NUMB: variants seen among roughly 807,000 people sequenced by gnomAD.
NUMB encodes NUMB endocytic adaptor protein, also known as protein numb homolog.
Under a neutral mutation model 59.7 loss-of-function variants are expected in NUMB, and 29 were observed. That is an observed-to-expected ratio of 0.49 (90% CI 0.36 to 0.66). The LOEUF (loss-of-function observed/expected upper bound fraction) is 0.66. Among genes scored for constraint, NUMB ranks in the 30% least tolerant of loss-of-function variants. NUMB has a pLI of 0.00. For missense variants in NUMB, 723 were observed against 822.0 expected (o/e 0.88, Z 1.47); for synonymous variants, 288 against 288.2 (o/e 1.00, Z 0.01).
intron 1 of NUMB, among the ~76,000 whole-genome samples, chr14:73,422,526 T>G (rs554300661): frequency 6.6e-6 from 1 of 152,192 alleles, no homozygotes; most frequent in South Asian, 2.1e-4. Context: ...ACTAGGAAAT[T>G]TATAAAGAAA....
Position 73,276,399 on chromosome 14 carries a change from C to CT in NUMB, c.*178dup, listed in dbSNP as rs1348589682. 1.8e-6 allele frequency: 1 copy of CT among 566,928 alleles called. No homozygotes were observed. The highest frequency in any genetic ancestry group is 3.1e-6 in the Non-Finnish European group (1 of 324,206). The allele number at this position is 566,928 out of a possible 1,614,324, so 35.1% of individuals were successfully genotyped here. On this transcript the variant is annotated 3_prime_UTR_variant, in exon 13 of 13. Transcript: ENST00000555238. Reference sequence around the variant, plus strand: ...GCAAGGCAGCTTTTCTCTAGGAATGCTTTTTCCCATGTCTTTCAAAATCAC... The same window carrying CT: ...GCAAGGCAGCTTTTCTCTAGGAATGCTTTTTTCCCATGTCTTTCAAAATCAC...
At chr14:73,291,118 T>A (rs1055188907) in intron 8 of NUMB, among the ~76,000 whole-genome samples, 1 of 152,008 alleles carries the variant, frequency 6.6e-6, no homozygotes, top group Non-Finnish European at 1.5e-5. Context: ...TCTTGCTTTG[T>A]CACCTAGGCT....
intron 1 of NUMB, among the ~76,000 whole-genome samples, chr14:73,438,175 C>A (rs1898136056): frequency 6.6e-6 from 1 of 152,120 alleles, no homozygotes; most frequent in South Asian, 2.1e-4. Context: ...ATTCCACTTA[C>A]AATAATCTAT....
chr14:73,292,919 T>C, intron 7 of NUMB, 45 bp from the exon 8 acceptor site: 6 of 1,594,930 alleles, frequency 3.8e-6, no homozygotes, highest in Non-Finnish European at 5.2e-6. Context: ...TATGAGGTTA[T>C]CTGAGCTTCT....
At chr14:73,285,307 T>C (rs1888914285) in intron 9 of NUMB, 1 of 152,194 alleles carries the variant, frequency 6.6e-6, no homozygotes, top group Non-Finnish European at 1.5e-5. Context: ...CTCACAATCC[T>C]TTGTAGATCT....
chr14:73,278,987 G>A (rs537870544), intron 12 of NUMB, among the ~76,000 whole-genome samples: 4 of 152,232 alleles, frequency 2.6e-5, no homozygotes, highest in Admixed American at 2.6e-4. Flanking sequence ...GCCTCCCAAA[G>A]TGCTGGGATT....
intron 1 of NUMB, among the ~76,000 whole-genome samples, chr14:73,430,108 A>G (rs1897760515): frequency 6.6e-6 from 1 of 151,316 alleles, no homozygotes; most frequent in African/African-American, 2.4e-5. Context: ...ATTTAATTAT[A>G]TATTTTATAT....
chr14:73,297,129 T>C (rs1594876345), intron 7 of NUMB, 82 bp downstream of exon 7: 2 of 906,268 alleles, frequency 2.2e-6, no homozygotes, highest in East Asian at 2.6e-5. Flanking sequence ...ATCGTGCCAT[T>C]GCACTCCAGC....
chr14:73,318,996 G>T (rs116775744), intron 5 of NUMB, among the ~76,000 whole-genome samples: 3,416 of 152,286 alleles, frequency 0.022, 46 homozygotes, highest in Middle Eastern at 0.065. Context: ...CTAGAAGGCT[G>T]GGCGCAGTGG....
chr14:73,299,642 C>CG, intron 6 of NUMB, among the ~76,000 whole-genome samples: 1 of 150,928 alleles, frequency 6.6e-6, no homozygotes, highest in East Asian at 1.9e-4. Flanking sequence ...TATCTCCTAG[C>CG]GGTTCTGTTT....
chr14:73,381,405 A>G lies in NUMB; in HGVS notation c.-100-14424T>C, dbSNP rs997858139. 7.9e-5 allele frequency among the ~76,000 whole-genome samples: 12 copies of G among 152,310 alleles called. No individual in the cohort carries two copies. The East Asian group carries it at 2.3e-3, about 29-fold the overall frequency. ...TCCTTAATATGGCTTATAAAGCTTG[A>G]AACGATTTAGCCCTTGCCCATCAGA... On this transcript the variant is annotated intron_variant, in intron 2 of 12. Coordinates refer to ENST00000555238, the MANE Select transcript of NUMB (RefSeq NM_001005743.2).
chr14:73,369,495 C>T (rs11845791), intron 2 of NUMB, among the ~76,000 whole-genome samples: 8,880 of 152,184 alleles, frequency 0.058, 721 homozygotes, highest in African/African-American at 0.19. Context: ...ATTAATACTT[C>T]ATAAAGTGAA....
At chr14:73,417,767 AG>A (rs1221816021) in intron 1 of NUMB, among the ~76,000 whole-genome samples, 2 of 152,214 alleles carry the variant, frequency 1.3e-5, no homozygotes, top group African/African-American at 4.8e-5. Flanking sequence ...AGTAGCCAAA[AG>A]ATGAAAACAA....
intron 1 of NUMB, among the ~76,000 whole-genome samples, chr14:73,435,536 T>C (rs549100187): frequency 2.7e-5 from 4 of 150,708 alleles, no homozygotes; most frequent in African/African-American, 9.7e-5. Flanking sequence ...AGCCTCCCAA[T>C]GTGCTGGGAT....
intron 9 of NUMB, 76 bp downstream of exon 9, chr14:73,287,034 C>A: frequency 7.3e-7 from 1 of 1,370,402 alleles, no homozygotes; most frequent in South Asian, 1.2e-5. Flanking sequence ...AGAAAATTTA[C>A]CCCTGGTAGC....
chr14:73,301,187 A>C (rs1239001911), intron 6 of NUMB, among the ~76,000 whole-genome samples: 1 of 152,222 alleles, frequency 6.6e-6, no homozygotes, highest in Non-Finnish European at 1.5e-5. Context: ...GAAACAGGAG[A>C]CAGCTGACCA....
At chr14:73,416,269 T>C (rs4506831) in intron 1 of NUMB, among the ~76,000 whole-genome samples, 7,811 of 151,752 alleles carry the variant, frequency 0.051, 649 homozygotes, top group African/African-American at 0.18. Flanking sequence ...ATACAAAATA[T>C]GCTTAAGGGA....
intron 12 of NUMB, 131 bp from the exon 13 acceptor site, chr14:73,277,424 T>C (rs1201706090): frequency 1.4e-5 from 10 of 721,664 alleles, no homozygotes; most frequent in Non-Finnish European, 2.2e-5. Flanking sequence ...GTGGTTTTGA[T>C]AGGTAGGAGT....
chr14:73,344,501 A>C (rs1428274338), intron 4 of NUMB, among the ~76,000 whole-genome samples: 4 of 152,212 alleles, frequency 2.6e-5, no homozygotes, highest in Non-Finnish European at 5.9e-5. Flanking sequence ...CAAATCACTT[A>C]ATAGAGCAAA....
Sources: allele counts gnomAD v4.1 joint callset (sites outside exome capture counted in the v4.1 genomes callset), GRCh38; gene constraint gnomAD v4.1.1; transcripts MANE v1.5; gene names NCBI Gene and HGNC (gene_info 2026-07-23, HGNC 2026-07-21).